The following AMOTL2 variants were observed in gnomAD, a reference collection of about 807,000 sequenced individuals.
AMOTL2 encodes the protein angiomotin-like protein 2.
AMOTL2 carries 33 observed loss-of-function variants against 78.4 expected under a neutral mutation model. The observed-to-expected ratio is 0.42, with a 90% CI of 0.32 to 0.56. The LOEUF (loss-of-function observed/expected upper bound fraction) is 0.56. Ranked by LOEUF, AMOTL2 falls within the 20% of genes least tolerant of loss-of-function variation. AMOTL2 has a pLI of 0.12. For missense variants in AMOTL2, 983 were observed against 1,030.1 expected (o/e 0.95, Z 0.63); for synonymous variants, 422 against 428.8 (o/e 0.98, Z 0.20).
Position 134,358,640 on chromosome 3 carries a change from G to C in AMOTL2, c.2184C>G (p.Ser728Arg), listed in dbSNP as rs140047355. Reference protein sequence around the residue: ...AHAKHGSRDGSTQTEGPPDST... With the variant: ...AHAKHGSRDGRTQTEGPPDST... Reference sequence around the variant, plus strand: ...TGTCTGGGGGGCCCTCAGTCTGGGTGCTCCCATCTCTGCTCCCGTGTTTGG... The same window carrying C: ...TGTCTGGGGGGCCCTCAGTCTGGGTCCTCCCATCTCTGCTCCCGTGTTTGG... The change falls in exon 9 of 10, where the codon AGC becomes AGG. Residue 728 changes from serine (S) to arginine (R), a missense_variant. Transcript: ENST00000249883. 6.2e-7 allele frequency: 1 copy of C among 1,613,698 alleles called. No individual in the cohort carries two copies. Among genetic ancestry groups the C allele is most frequent in the Non-Finnish European group, 8.5e-7 (1 of 1,179,726 alleles).
upstream of AMOTL2, chr3:134,374,808 C>A (rs1297896296): frequency 1.9e-6 from 2 of 1,042,686 alleles, no homozygotes; most frequent in Non-Finnish European, 1.2e-6. Context: ...AGTCGCCGAC[C>A]CGCTCTCACC....
At chr3:134,374,868 G>A (rs1231703877), upstream of AMOTL2, 10 of 1,232,002 alleles carry the variant, frequency 8.1e-6, no homozygotes, top group Non-Finnish European at 7.2e-6. Flanking sequence ...TGTACCACGC[G>A]TGTCCTGGGG....
chr3:134,375,353 G>T, upstream of AMOTL2: 1 of 1,021,724 alleles, frequency 9.8e-7, no homozygotes, highest in Non-Finnish European at 1.5e-6. Context: ...TCATCCCTGT[G>T]TTGTAAATGA....
upstream of AMOTL2, chr3:134,375,312 C>G (rs1221349568): frequency 2.9e-6 from 4 of 1,366,060 alleles, no homozygotes; most frequent in Non-Finnish European, 4.0e-6. Flanking sequence ...CGATTCAGCC[C>G]TGCCAAGCAC....
chr3:134,374,234 A>T lies in AMOTL2; in HGVS notation c.-62+108T>A, dbSNP rs1166121507. ...GCGCCCCGAGGACGCTCGATCCTCGAGGCTCCGACTCCCGGAAAAGGCCGG... is the reference window on the plus strand; with the variant it reads ...GCGCCCCGAGGACGCTCGATCCTCGTGGCTCCGACTCCCGGAAAAGGCCGG... On this transcript the variant is annotated intron_variant, in intron 1 of 9. Transcript: ENST00000249883. The T allele has an allele frequency of 8.1e-6, 8 of 985,128 alleles. No homozygotes were observed. The African/African-American group carries it at 1.0e-4, about 13-fold the overall frequency. The allele number at this position is 985,128 out of a possible 1,614,324, so 61.0% of individuals were successfully genotyped here. A position where few individuals can be genotyped will look rare whatever the true frequency, so the allele number is the denominator to read the frequency against.
rs538218032 is a variant in AMOTL2, at chr3:134,370,805, G to A, written c.629C>T (p.Pro210Leu). The A allele has an allele frequency of 1.3e-6, 2 of 1,562,686 alleles. No homozygotes were observed. The highest frequency in any genetic ancestry group is 2.4e-5 in the South Asian group (2 of 83,350). ...PAEGPESRGP[P>L]PQYPHVVLAH... The stretch of plus-strand genomic sequence containing the variant: ...TAGTACAACATGAGGGTACTGAGGT[G>A]GGGGTCCTCGGGACTCTGGGCCCTC... Residue 210 changes from proline to leucine, a missense_variant, in exon 2 of 10, where the codon CCA becomes CTA. By Grantham distance (98) the Pro-to-Leu change is moderately conservative. Coordinates refer to ENST00000249883, the MANE Select transcript of AMOTL2 (RefSeq NM_016201.4).
In AMOTL2 at chr3:134,370,935, G is replaced by T; in HGVS notation, c.499C>A (p.Leu167Met). 6.2e-7 allele frequency: 1 copy of T among 1,612,018 alleles called. No individual in the cohort carries two copies. Among genetic ancestry groups the T allele is most frequent in the South Asian group, 1.1e-5 (1 of 90,996 alleles). ...SLSERLLQLS[L>M]ERNGARAPSH... is the part of the protein sequence containing the mutation. ...GGGGCCCGGGCGCCGTTCCTCTCCA[G>T]GGACAACTGAAGGAGCCGTTCACTC... Residue 167 changes from leucine (L) to methionine (M), a missense_variant, in exon 2 of 10, where the codon CTG (leucine) becomes ATG (methionine). Leu to Met is a conservative substitution (Grantham distance 15, BLOSUM62 2). Coordinates refer to ENST00000249883, the MANE Select transcript of AMOTL2 (RefSeq NM_016201.4).
At chr3:134,365,246 A>G (rs1559799450) in intron 5 of AMOTL2, among the ~76,000 whole-genome samples, 1 of 152,200 alleles carries the variant, frequency 6.6e-6, no homozygotes, top group East Asian at 1.9e-4. Context: ...GAATGAATAA[A>G]TGGACTAGTC....
rs1349482671 is a variant in AMOTL2, at chr3:134,356,653, C to G, written c.*1052G>C. The stretch of plus-strand genomic sequence containing the variant: ...CCAGGTGGGAATGAAGACACTTATG[C>G]TAACAAGACATCTCCAGTTTCTCAG... On this transcript the variant is annotated 3_prime_UTR_variant, in exon 10 of 10. Coordinates refer to ENST00000249883, the MANE Select transcript of AMOTL2 (RefSeq NM_016201.4). The G allele has an allele frequency of 6.6e-6, 1 of 152,642 alleles. No individual in the cohort carries two copies. The highest frequency in any genetic ancestry group is 1.5e-5 in the Non-Finnish European group (1 of 68,056). 9.5% of individuals were successfully genotyped at this position (152,642 alleles called of 1,614,324 possible). A position where few individuals can be genotyped will look rare whatever the true frequency, so the allele number is the denominator to read the frequency against.
intron 1 of AMOTL2, 120 bp from the exon 2 acceptor site, chr3:134,371,614 G>A: frequency 7.0e-7 from 1 of 1,424,854 alleles, no homozygotes; most frequent in East Asian, 2.5e-5. Flanking sequence ...GAAGAGCAGG[G>A]GTGGGGCGGT....
In AMOTL2 at chr3:134,366,263, C is replaced by T. The variant is rs200797438; in HGVS notation, c.1186+20G>A. 7 of 1,612,768 alleles carry T rather than the reference C, an allele frequency of 4.3e-6. No individual in the cohort carries two copies. In the East Asian group the frequency reaches 8.9e-5, roughly 21 times the overall value. ...CTCTGCAGAGGTTCTCCAACCTCCA[C>T]CTGTGTGACTGGCTCTCACCTCTAA... On this transcript the variant is annotated intron_variant, in intron 4 of 9. Transcript: ENST00000249883.
At chr3:134,374,703 C>G (rs144727981), upstream of AMOTL2, 1,939 of 982,468 alleles carry the variant, frequency 2.0e-3, 3 homozygotes, top group Non-Finnish European at 2.0e-3. Flanking sequence ...CCAGCGCCCT[C>G]CAGGCCGCGG....
At chr3:134,375,274 G>T, upstream of AMOTL2, 1 of 1,530,916 alleles carries the variant, frequency 6.5e-7, no homozygotes, top group African/African-American at 1.4e-5. Context: ...TGCAAGGTGT[G>T]CCACCGCTGG....
chr3:134,363,808 GT>G (rs1452815318), intron 5 of AMOTL2, among the ~76,000 whole-genome samples: 1 of 152,192 alleles, frequency 6.6e-6, no homozygotes, highest in East Asian at 1.9e-4. Context: ...AGCTGCTTGG[GT>G]TTCCTCAGCC....
intron 1 of AMOTL2, chr3:134,373,676 C>A: frequency 1.0e-6 from 1 of 985,484 alleles, no homozygotes; most frequent in Non-Finnish European, 1.2e-6. Context: ...CACCACGAGC[C>A]CGGGCGGACC....
At chr3:134,369,739 G>T (rs1242566756) in intron 2 of AMOTL2, among the ~76,000 whole-genome samples, 1 of 152,350 alleles carries the variant, frequency 6.6e-6, no homozygotes, top group East Asian at 1.9e-4. Context: ...TGGGCCACCA[G>T]AGGAAGAGTC....
intron 1 of AMOTL2, 185 bp downstream of exon 1, chr3:134,374,157 C>G: frequency 1.2e-6 from 1 of 868,300 alleles, no homozygotes; most frequent in African/African-American, 1.8e-5. Context: ...GCTGCGCTCC[C>G]TGGGCAGAGC....
rs750802935 is a variant in AMOTL2, at chr3:134,358,657, C to T, written c.2167G>A (p.Gly723Arg). ...GTCTGGGTGCTCCCATCTCTGCTCC[C>T]GTGTTTGGCATGGGCAGCAGGGGGA... Reference protein sequence around the residue: ...TAPPAAHAKHGSRDGSTQTEG... With the variant: ...TAPPAAHAKHRSRDGSTQTEG... Residue 723 changes from glycine to arginine, a missense_variant, in exon 9 of 10, where the codon GGG (glycine) becomes AGG (arginine). Gly to Arg is a moderately radical substitution (Grantham distance 125). Coordinates refer to ENST00000249883, the MANE Select transcript of AMOTL2 (RefSeq NM_016201.4). 1.5e-5 allele frequency: 24 copies of T among 1,613,664 alleles called. No individual in the cohort carries two copies. Among genetic ancestry groups the T allele is most frequent in the South Asian group, 1.2e-4 (11 of 91,066 alleles).
At chr3:134,372,776 C>T (rs933787089) in intron 1 of AMOTL2, among the ~76,000 whole-genome samples, 1 of 152,132 alleles carries the variant, frequency 6.6e-6, no homozygotes, top group African/African-American at 2.4e-5. Context: ...AAGGAGTTCC[C>T]TTCTAAGCCT....
Sources: allele counts gnomAD v4.1 joint callset (sites outside exome capture counted in the v4.1 genomes callset), GRCh38; gene constraint gnomAD v4.1.1; transcripts MANE v1.5; gene names NCBI Gene and HGNC (gene_info 2026-07-23, HGNC 2026-07-21).